The following OPHN1 variants were observed in gnomAD, a reference collection of about 807,000 sequenced individuals.
OPHN1 encodes the protein oligophrenin 1.
In OPHN1, 11 loss-of-function variants were observed where a neutral mutation model predicts 60.7. That is an observed-to-expected ratio of 0.18 (90% CI 0.11 to 0.30). The LOEUF is 0.30. Ranked by LOEUF, OPHN1 falls within the 10% of genes least tolerant of loss-of-function variation. OPHN1 has a pLI of 1.00. For missense variants in OPHN1, 449 were observed against 611.0 expected (o/e 0.73, Z 2.80); for synonymous variants, 226 against 222.6 (o/e 1.02, Z -0.14).
intron 15 of OPHN1, among the ~76,000 whole-genome samples, chrX:68,141,056 G>A (rs1253274446): frequency 8.9e-6 from 1 of 111,838 alleles, no homozygotes; most frequent in Non-Finnish European, 1.9e-5. Context: ...GTGTCAAAAA[G>A]GGCAGGTGCA....
intron 12 of OPHN1, 64 bp from the exon 13 acceptor site, chrX:68,194,562 C>G: frequency 1.1e-6 from 1 of 939,889 alleles, no homozygotes; most frequent in Non-Finnish European, 1.5e-6. Flanking sequence ...AAACAGAGAA[C>G]ATAATATTAA....
chrX:68,083,776 C>A (rs751956174), intron 19 of OPHN1, among the ~76,000 whole-genome samples: 1 of 111,546 alleles, frequency 9.0e-6, no homozygotes, highest in Non-Finnish European at 1.9e-5. Flanking sequence ...AGGCCTTTGT[C>A]GGGTTTTTAA....
intron 6 of OPHN1, among the ~76,000 whole-genome samples, chrX:68,227,223 T>C (rs767569674): frequency 8.9e-6 from 1 of 111,812 alleles, no homozygotes; most frequent in African/African-American, 3.3e-5. Context: ...TAAATATATA[T>C]GCACCCAATA....
chrX:68,432,643 C>T (rs944187243), intron 2 of OPHN1, among the ~76,000 whole-genome samples: 6 of 111,579 alleles, frequency 5.4e-5, no homozygotes, highest in African/African-American at 2.0e-4. Context: ...CTACGGATCA[C>T]GTCTTATAAG....
At chrX:68,430,954 T>C (rs1363811332) in intron 2 of OPHN1, among the ~76,000 whole-genome samples, 1 of 112,064 alleles carries the variant, frequency 8.9e-6, no homozygotes. Context: ...TCTTAATCTC[T>C]CTGATATGCC....
intron 3 of OPHN1, among the ~76,000 whole-genome samples, chrX:68,289,243 C>A (rs1387415794): frequency 1.8e-5 from 2 of 111,410 alleles, no homozygotes; most frequent in South Asian, 3.8e-4. Context: ...GTTTACCAAT[C>A]CAAGAATTTT....
chrX:68,258,270 TTAAG>T (rs1442183524), intron 5 of OPHN1, among the ~76,000 whole-genome samples: 1 of 110,267 alleles, frequency 9.1e-6, no homozygotes, highest in African/African-American at 3.3e-5. Flanking sequence ...TTTTATTTAT[TTAAG>T]TTTTAGGGTA....
intron 15 of OPHN1, among the ~76,000 whole-genome samples, chrX:68,176,629 T>C (rs1325045615): frequency 9.0e-6 from 1 of 111,596 alleles, no homozygotes; most frequent in Non-Finnish European, 1.9e-5. Flanking sequence ...AGTATGGTGG[T>C]TCCTAAAAAA....
intron 2 of OPHN1, among the ~76,000 whole-genome samples, chrX:68,369,172 C>G: frequency 9.1e-6 from 1 of 109,833 alleles, no homozygotes. Flanking sequence ...CTCACCACTG[C>G]ACTCCAGCCT....
chrX:68,197,503 C>A (rs1333535883), intron 11 of OPHN1, among the ~76,000 whole-genome samples: 6 of 111,046 alleles, frequency 5.4e-5, no homozygotes, highest in Admixed American at 2.9e-4. Flanking sequence ...CCAGATCCTG[C>A]AAGAAATAGG....
intron 10 of OPHN1, among the ~76,000 whole-genome samples, chrX:68,203,994 T>C (rs1304302519): frequency 8.8e-6 from 1 of 113,071 alleles, no homozygotes; most frequent in Non-Finnish European, 1.9e-5. Context: ...CAGTGTTTTA[T>C]TCATCTTTAT....
intron 2 of OPHN1, among the ~76,000 whole-genome samples, chrX:68,416,060 A>G (rs1249543252): frequency 3.6e-4 from 2 of 5,513 alleles, no homozygotes; most frequent in African/African-American, 5.4e-4. Context: ...ATATATATAT[A>G]TATATATAGA....
intron 5 of OPHN1, among the ~76,000 whole-genome samples, chrX:68,236,870 G>A (rs1373900468): frequency 1.8e-5 from 2 of 112,154 alleles, no homozygotes; most frequent in Non-Finnish European, 3.8e-5. Flanking sequence ...TAATATCCTT[G>A]TAAATTATTA....
chrX:68,181,040 TG>T (rs1372466386), intron 15 of OPHN1, among the ~76,000 whole-genome samples: 1 of 111,090 alleles, frequency 9.0e-6, no homozygotes, highest in Non-Finnish European at 1.9e-5. Context: ...GCCCCAACAA[TG>T]AAAGACCTGC....
chrX:68,127,422 T>TA (rs2077176346), intron 15 of OPHN1, among the ~76,000 whole-genome samples: 1 of 111,865 alleles, frequency 8.9e-6, no homozygotes, highest in Non-Finnish European at 1.9e-5. Flanking sequence ...TTTAAGCTAA[T>TA]AAAGATCTAC....
At chrX:68,348,729 C>T (rs996859547) in intron 2 of OPHN1, among the ~76,000 whole-genome samples, 2 of 111,350 alleles carry the variant, frequency 1.8e-5, no homozygotes, top group Non-Finnish European at 3.8e-5. Context: ...GCTACAAAGA[C>T]GAACAACAGA....
chrX:68,347,467 G>A (rs945694943), intron 2 of OPHN1, among the ~76,000 whole-genome samples: 3 of 110,643 alleles, frequency 2.7e-5, no homozygotes, highest in East Asian at 2.9e-4. Context: ...ATAGGTGCAC[G>A]CCACCATGCC....
chrX:68,359,855 CAAAAAAAA>C (rs1186524030), intron 2 of OPHN1, among the ~76,000 whole-genome samples: 53 of 19,223 alleles, frequency 2.8e-3, no homozygotes, highest in South Asian at 0.014. Flanking sequence ...GACTCCGTCT[CAAAAAAAA>C]AAAAAAAAAA....
chrX:68,280,968 C>T (rs1427944053), intron 4 of OPHN1, among the ~76,000 whole-genome samples: 1 of 111,646 alleles, frequency 9.0e-6, no homozygotes. Context: ...AGATAACCCA[C>T]GTTTATAATT....
Sources: allele counts gnomAD v4.1 joint callset (sites outside exome capture counted in the v4.1 genomes callset), GRCh38; gene constraint gnomAD v4.1.1; transcripts MANE v1.5; gene names NCBI Gene and HGNC (gene_info 2026-07-23, HGNC 2026-07-21).